Variants in NCEH1 observed in about 807,000 individuals in gnomAD.
NCEH1 encodes the protein 2-acetyl MAGE hydrolase.
Under a neutral mutation model 25.4 loss-of-function variants are expected in NCEH1, and 9 were observed. The ratio of observed to expected loss-of-function variants is 0.35; its 90% CI spans 0.21 to 0.62. The LOEUF (loss-of-function observed/expected upper bound fraction) is 0.62, where lower values mean the gene tolerates loss of function less well. NCEH1 is among the 20% of genes least tolerant of loss of function. The pLI is 0.72. For missense variants in NCEH1, 412 were observed against 501.1 expected (o/e 0.82, Z 1.70); for synonymous variants, 200 against 199.8 (o/e 1.00, Z -0.01).
chr3:172,695,102 A>G (rs1335594308), intron 1 of NCEH1, among the ~76,000 whole-genome samples: 1 of 152,218 alleles, frequency 6.6e-6, no homozygotes, highest in Non-Finnish European at 1.5e-5. Flanking sequence ...CCTATGTTTC[A>G]TAACTTCAGA....
At chr3:172,645,002 C>A (rs1038154634) in intron 3 of NCEH1, among the ~76,000 whole-genome samples, 4 of 152,112 alleles carry the variant, frequency 2.6e-5, no homozygotes, top group African/African-American at 9.7e-5. Context: ...AGAAGAGACA[C>A]GTGTGCAAAA....
chr3:172,639,076 G>A lies in NCEH1; in HGVS notation c.438-2989C>T, dbSNP rs148335052. Among the ~76,000 whole-genome samples, 1,345 of 152,184 alleles carry A rather than the reference G, an allele frequency of 8.8e-3. 20 individuals are homozygous for A. The highest frequency in any genetic ancestry group is 0.038 in the Admixed American group (587 of 15,278). The stretch of plus-strand genomic sequence containing the variant: ...AGCACCTGGGGAGGCCAAGGTGCGC[G>A]GATCACGAGGTCAGGAGATCGAGAC... On this transcript the variant is annotated intron_variant, in intron 3 of 4. Transcript: ENST00000475381.
intron 1 of NCEH1, among the ~76,000 whole-genome samples, chr3:172,683,516 T>C (rs1712525049): frequency 7.0e-6 from 1 of 142,948 alleles, no homozygotes; most frequent in Non-Finnish European, 1.5e-5. Flanking sequence ...ACAAAAAAAA[T>C]AGAATAAAAT....
chr3:172,667,108 C>A (rs946381653), intron 1 of NCEH1, among the ~76,000 whole-genome samples: 5 of 152,190 alleles, frequency 3.3e-5, no homozygotes, highest in African/African-American at 1.2e-4. Context: ...AGGCTCTAGG[C>A]TACTTGTGTA....
chr3:172,687,409 T>C (rs1458000574), intron 1 of NCEH1, among the ~76,000 whole-genome samples: 2 of 152,242 alleles, frequency 1.3e-5, no homozygotes, highest in African/African-American at 4.8e-5. Flanking sequence ...CTGCACAATA[T>C]CTTTCATCTT....
At chr3:172,701,351 C>T (rs916134490) in intron 1 of NCEH1, among the ~76,000 whole-genome samples, 8 of 152,068 alleles carry the variant, frequency 5.3e-5, no homozygotes, top group African/African-American at 1.9e-4. Flanking sequence ...CCATACTCTC[C>T]CCTCCAACAG....
intron 4 of NCEH1, 115 bp from the exon 5 acceptor site, chr3:172,634,207 AC>A (rs1452392877): frequency 2.2e-5 from 22 of 989,914 alleles, no homozygotes; most frequent in Non-Finnish European, 3.1e-5. Flanking sequence ...TATAAGTGTT[AC>A]ATTTCTACCA....
At chr3:172,647,501 A>G (rs1406532730) in intron 2 of NCEH1, among the ~76,000 whole-genome samples, 1 of 152,252 alleles carries the variant, frequency 6.6e-6, no homozygotes, top group East Asian at 1.9e-4. Context: ...AAAGAAGCAC[A>G]GATAATTCCC....
intron 1 of NCEH1, among the ~76,000 whole-genome samples, chr3:172,658,864 T>A: frequency 6.7e-6 from 1 of 148,854 alleles, no homozygotes; most frequent in African/African-American, 2.5e-5. Context: ...TTTTTTTTTT[T>A]TTTTTACTAT....
At chr3:172,640,028 A>C (rs898808172) in intron 3 of NCEH1, among the ~76,000 whole-genome samples, 1 of 152,216 alleles carries the variant, frequency 6.6e-6, no homozygotes, top group African/African-American at 2.4e-5. Flanking sequence ...GAATGACACC[A>C]ATGTGCTAAG....
In NCEH1 at chr3:172,633,751, A is replaced by C; in HGVS notation, c.951T>G (p.Pro317=). ...TGNARIVQEL[P]QLLDARSAPL... ...GGGCGGAGCGGGCATCCAGCAACTG[A>C]GGAAGCTCCTGGACAATCCTGGCAT... Residue 317 remains proline, a synonymous_variant, in exon 5 of 5, where the codon CCT becomes CCG. Transcript: ENST00000475381. The C allele has an allele frequency of 6.2e-7, 1 of 1,614,226 alleles. No individual in the cohort carries two copies. Among genetic ancestry groups the C allele is most frequent in the Non-Finnish European group, 8.5e-7 (1 of 1,180,038 alleles).
intron 1 of NCEH1, among the ~76,000 whole-genome samples, chr3:172,685,933 T>C (rs1395078054): frequency 6.6e-6 from 1 of 152,180 alleles, no homozygotes; most frequent in Non-Finnish European, 1.5e-5. Context: ...CCAAACATTC[T>C]ACAGAACAGC....
chr3:172,681,065 T>C (rs1712345264), intron 1 of NCEH1: 2 of 142,304 alleles, frequency 1.4e-5, no homozygotes, highest in Non-Finnish European at 3.1e-5. Context: ...AGTGGCGAAA[T>C]AGAGGGGATA....
intron 1 of NCEH1, among the ~76,000 whole-genome samples, chr3:172,664,453 A>T (rs1386252543): frequency 6.6e-6 from 1 of 152,086 alleles, no homozygotes; most frequent in Non-Finnish European, 1.5e-5. Context: ...GTTGCTCTTC[A>T]CGAGGAGTAT....
At chr3:172,669,113 C>T (rs9850043) in intron 1 of NCEH1, among the ~76,000 whole-genome samples, 1 of 152,064 alleles carries the variant, frequency 6.6e-6, no homozygotes, top group Non-Finnish European at 1.5e-5. Context: ...AAGACAGAGG[C>T]CTTGGGTCTA....
At chr3:172,666,518 TCTTC>T (rs1052779934) in intron 1 of NCEH1, among the ~76,000 whole-genome samples, 81 of 152,204 alleles carry the variant, frequency 5.3e-4, no homozygotes, top group African/African-American at 1.9e-3. Context: ...GCTGTTTTCT[TCTTC>T]CTTCCTTCTT....
chr3:172,658,571 A>G (rs1717811093), intron 1 of NCEH1, among the ~76,000 whole-genome samples: 1 of 152,224 alleles, frequency 6.6e-6, no homozygotes, highest in African/African-American at 2.4e-5. Flanking sequence ...GGGTTCTCTC[A>G]TTAGATTGCA....
In NCEH1 at chr3:172,647,941, T is replaced by C; in HGVS notation, c.312A>G (p.Pro104=). ...VFEGPPKPEE[P]LKRSVVYIHG... ...GGATATAAACGACGCTGCGTTTCAG[T>C]GGCTCTTCGGGCTTCGGAGGGCCTT... Residue 104 remains proline (P), a synonymous_variant, in exon 2 of 5, where the codon CCA becomes CCG. Transcript: ENST00000475381. 7 of 1,614,218 alleles carry C rather than the reference T, an allele frequency of 4.3e-6. No homozygotes were observed. The highest frequency in any genetic ancestry group is 1.7e-5 in the Admixed American group (1 of 60,024).
At chr3:172,653,742 TTGTTTTTTTGTTTTTTTG>T (rs1717532974) in intron 1 of NCEH1, among the ~76,000 whole-genome samples, 1 of 70,768 alleles carries the variant, frequency 1.4e-5, no homozygotes, top group African/African-American at 7.4e-5. Context: ...TCTGTTTTTT[TTGTTTTTTTGTTTTTTTG>T]TTTTTTTTTT....
Sources: gnomAD v4.1 joint callset for allele counts (sites outside exome capture counted in the v4.1 genomes callset) on GRCh38, gnomAD v4.1.1 for gene constraint, MANE v1.5 for transcripts, NCBI Gene and HGNC (gene_info 2026-07-23, HGNC 2026-07-21) for gene names.